The following KCNIP4 variants were observed in gnomAD, a reference collection of about 807,000 sequenced individuals.
KCNIP4 encodes the protein Kv channel-interacting protein 4.
Under a neutral mutation model 34.0 loss-of-function variants are expected in KCNIP4, and 12 were observed. The observed-to-expected ratio is 0.35, with a 90% CI of 0.23 to 0.57. KCNIP4 has a LOEUF of 0.57. KCNIP4 is among the 20% of genes least tolerant of loss of function. The probability of loss-of-function intolerance (pLI) is 0.83; values close to 1 mark genes in which losing one functional copy is unlikely to be tolerated. For missense variants in KCNIP4, 238 were observed against 311.7 expected (o/e 0.76, Z 1.78); for synonymous variants, 124 against 102.2 (o/e 1.21, Z -1.29).
chr4:21,480,881 T>G (rs1420355688), intron 1 of KCNIP4, among the ~76,000 whole-genome samples: 1 of 152,150 alleles, frequency 6.6e-6, no homozygotes, highest in Non-Finnish European at 1.5e-5. Context: ...TATTTAACAG[T>G]GCCAAACAAA....
rs538461107 is a variant in KCNIP4 at position 21,311,289 on chromosome 4, G to A, written c.62-428580C>T. Among the ~76,000 whole-genome samples, 6 of 152,212 alleles carry A rather than the reference G, an allele frequency of 3.9e-5. No individual in the cohort carries two copies. In the East Asian group the frequency reaches 1.2e-3, roughly 29 times the overall value. On this transcript the variant is annotated intron_variant, in intron 1 of 8. Transcript: ENST00000382152. ...GAAGGACTAGGGCATCTGCAATTGAGGTGGAATTCTAAGGAAAACACATTG... is the reference window on the plus strand; with the variant it reads ...GAAGGACTAGGGCATCTGCAATTGAAGTGGAATTCTAAGGAAAACACATTG...
intron 3 of KCNIP4, among the ~76,000 whole-genome samples, chr4:20,784,480 C>G (rs1042762175): frequency 2.6e-5 from 4 of 152,178 alleles, no homozygotes; most frequent in African/African-American, 9.7e-5. Flanking sequence ...GGTTATTGGA[C>G]TAGCACAGTA....
chr4:21,510,471 A>T (rs778110543), intron 1 of KCNIP4, among the ~76,000 whole-genome samples: 1 of 152,198 alleles, frequency 6.6e-6, no homozygotes, highest in Non-Finnish European at 1.5e-5. Flanking sequence ...GAACAAAAAA[A>T]ATCAGGCAGA....
chr4:20,756,137 A>C (rs749495701), intron 4 of KCNIP4, among the ~76,000 whole-genome samples: 6 of 151,906 alleles, frequency 3.9e-5, no homozygotes, highest in African/African-American at 7.3e-5. Context: ...TTATTTTGGC[A>C]GGAGATAACG....
chr4:21,650,309 T>C (rs958304132), intron 1 of KCNIP4, among the ~76,000 whole-genome samples: 1 of 152,234 alleles, frequency 6.6e-6, no homozygotes, highest in African/African-American at 2.4e-5. Context: ...CAAATCAGTA[T>C]ATCATATGGT....
intron 1 of KCNIP4, among the ~76,000 whole-genome samples, chr4:21,510,521 T>A (rs890415636): frequency 2.0e-5 from 3 of 152,138 alleles, no homozygotes; most frequent in Admixed American, 6.6e-5. Flanking sequence ...GATATAAATA[T>A]GTAAATGATT....
At chr4:21,497,055 A>AT (rs1375326085) in intron 1 of KCNIP4, among the ~76,000 whole-genome samples, 2 of 152,122 alleles carry the variant, frequency 1.3e-5, no homozygotes, top group Admixed American at 6.6e-5. Flanking sequence ...ATTTCAATCC[A>AT]TTTTTTATAC....
intron 1 of KCNIP4, among the ~76,000 whole-genome samples, chr4:20,968,238 C>T (rs1206550937): frequency 1.3e-5 from 2 of 152,160 alleles, no homozygotes; most frequent in Non-Finnish European, 2.9e-5. Context: ...TACCATCTCA[C>T]ACCAGTTAGA....
At chr4:21,322,445 T>C (rs1467645798) in intron 1 of KCNIP4, among the ~76,000 whole-genome samples, 5 of 152,140 alleles carry the variant, frequency 3.3e-5, no homozygotes, top group African/African-American at 1.2e-4. Context: ...AACTTTTGGC[T>C]AGCCTATAAC....
At chr4:21,242,080 C>T (rs938175784) in intron 1 of KCNIP4, among the ~76,000 whole-genome samples, 1 of 144,872 alleles carries the variant, frequency 6.9e-6, no homozygotes, top group African/African-American at 2.6e-5. Context: ...AGGAGAATGG[C>T]GTGAACCCAG....
intron 1 of KCNIP4, among the ~76,000 whole-genome samples, chr4:21,624,993 A>C (rs1345520774): frequency 6.6e-6 from 1 of 152,136 alleles, no homozygotes; most frequent in Non-Finnish European, 1.5e-5. Flanking sequence ...CATATTAGAC[A>C]TGGCTGCATC....
chr4:21,445,619 T>A (rs937971758), intron 1 of KCNIP4, among the ~76,000 whole-genome samples: 18 of 152,192 alleles, frequency 1.2e-4, no homozygotes, highest in Middle Eastern at 6.8e-3. Flanking sequence ...ATACAAAAAT[T>A]AATTCAAGAT....
intron 1 of KCNIP4, among the ~76,000 whole-genome samples, chr4:21,518,102 T>A (rs1734913323): frequency 6.6e-6 from 1 of 152,076 alleles, no homozygotes. Context: ...CAAATCCTGC[T>A]CCTATTCCAC....
At chr4:21,834,857 G>A (rs1413461858) in intron 1 of KCNIP4, among the ~76,000 whole-genome samples, 1 of 152,102 alleles carries the variant, frequency 6.6e-6, no homozygotes, top group Admixed American at 6.6e-5. Flanking sequence ...TAATCATGTG[G>A]TTTTTGTCTT....
chr4:21,307,655 T>G (rs1336131316), intron 1 of KCNIP4, among the ~76,000 whole-genome samples: 1 of 152,210 alleles, frequency 6.6e-6, no homozygotes, highest in Non-Finnish European at 1.5e-5. Flanking sequence ...CTGATTGATA[T>G]TCTCACCTAA....
chr4:21,743,261 G>A (rs985616889), intron 1 of KCNIP4, among the ~76,000 whole-genome samples: 4 of 152,042 alleles, frequency 2.6e-5, no homozygotes, highest in East Asian at 1.9e-4. Context: ...TGGAGGGTTC[G>A]GAGAAAATCT....
At chr4:21,724,490 C>T (rs1715049250) in intron 1 of KCNIP4, among the ~76,000 whole-genome samples, 1 of 151,636 alleles carries the variant, frequency 6.6e-6, no homozygotes, top group Non-Finnish European at 1.5e-5. Context: ...CACTAAAGTG[C>T]AATATTTCTG....
chr4:21,111,028 A>G (rs1749119113), intron 1 of KCNIP4, among the ~76,000 whole-genome samples: 1 of 152,246 alleles, frequency 6.6e-6, no homozygotes, highest in African/African-American at 2.4e-5. Flanking sequence ...ACAAATTTAA[A>G]TAGAATTTTA....
intron 3 of KCNIP4, among the ~76,000 whole-genome samples, chr4:20,796,856 C>T (rs1288201333): frequency 1.3e-5 from 2 of 152,144 alleles, no homozygotes; most frequent in African/African-American, 4.8e-5. Context: ...CAATAATTAG[C>T]TGTTATAATA....
Sources: allele counts gnomAD v4.1 joint callset (sites outside exome capture counted in the v4.1 genomes callset), GRCh38; gene constraint gnomAD v4.1.1; transcripts MANE v1.5; gene names NCBI Gene and HGNC (gene_info 2026-07-23, HGNC 2026-07-21).